The following GSTCD variants were observed in gnomAD, a reference collection of about 807,000 sequenced individuals.
GSTCD encodes the protein glutathione S-transferase C-terminal domain containing, also known as glutathione S-transferase C-terminal domain-containing protein.
In GSTCD, 44 loss-of-function variants were observed where a neutral mutation model predicts 68.3. That is an observed-to-expected ratio of 0.64 (90% CI 0.51 to 0.83). The LOEUF (loss-of-function observed/expected upper bound fraction) is 0.83. GSTCD is among the 40% of genes least tolerant of loss of function. GSTCD has a pLI of 0.00. For synonymous variants in GSTCD, 273 were observed against 255.2 expected, an observed-to-expected ratio of 1.07 and a Z score of -0.67; for missense variants, 739 against 735.9, an observed-to-expected ratio of 1.00 and a Z score of -0.05.
chr4:105,795,315 A>T (rs1435257635), intron 5 of GSTCD, among the ~76,000 whole-genome samples: 1 of 148,734 alleles, frequency 6.7e-6, no homozygotes. Context: ...ATAAGTATTG[A>T]TATATCATGT....
At position 105,726,839 on chromosome 4, in the gene GSTCD, T is replaced by C. The variant is rs764859042; in HGVS notation, c.1146+9T>C. The C allele has an allele frequency of 3.8e-6, 6 of 1,575,824 alleles. No homozygotes were observed. Among genetic ancestry groups the C allele is most frequent in the Non-Finnish European group, 5.2e-6 (6 of 1,161,998 alleles). ...CCATGGCCAAGTTAATGGTACTTAATTATTAACATTTTCTTTGAAAAATTC... is the reference window on the plus strand; with the variant it reads ...CCATGGCCAAGTTAATGGTACTTAACTATTAACATTTTCTTTGAAAAATTC... On this transcript the variant is annotated intron_variant, in intron 4 of 11. Transcript: ENST00000515279.
chr4:105,808,624 T>G (rs1241382209), intron 5 of GSTCD, among the ~76,000 whole-genome samples: 2 of 152,146 alleles, frequency 1.3e-5, no homozygotes, highest in African/African-American at 4.8e-5. Context: ...TTCTTTGATC[T>G]TCTCTTCTGC....
At chr4:105,715,861 C>T (rs1732665885) in intron 1 of GSTCD, among the ~76,000 whole-genome samples, 1 of 151,794 alleles carries the variant, frequency 6.6e-6, no homozygotes, top group East Asian at 1.9e-4. Flanking sequence ...ATGGTGAATA[C>T]TTTTAAAGAG....
intron 5 of GSTCD, chr4:105,761,151 C>G (rs1421553182): frequency 5.5e-6 from 1 of 182,314 alleles, no homozygotes; most frequent in Non-Finnish European, 1.1e-5. Flanking sequence ...TTATAGGAGC[C>G]CGCCACCATA....
At chr4:105,766,616 A>G (rs922070690) in intron 5 of GSTCD, among the ~76,000 whole-genome samples, 1 of 152,116 alleles carries the variant, frequency 6.6e-6, no homozygotes, top group African/African-American at 2.4e-5. Flanking sequence ...ACCCTTGTAA[A>G]TTACACTCAT....
rs544266345 is a variant in GSTCD, at chr4:105,825,949, A to G, written c.1530+149A>G. On this transcript the variant is annotated intron_variant, in intron 8 of 11. Coordinates refer to ENST00000515279, the MANE Select transcript of GSTCD (RefSeq NM_001370181.1). ...TATTATCTATGAAATATAGCATATT[A>G]ATGAATATTATTATATTCATAGCAC... The G allele has an allele frequency of 1.1e-3, 502 of 448,506 alleles. 3 individuals are homozygous for G. Among genetic ancestry groups the G allele is most frequent in the Non-Finnish European group, 1.6e-3 (385 of 245,454 alleles). 27.8% of individuals were successfully genotyped at this position (448,506 alleles called of 1,614,324 possible).
chr4:105,768,665 T>C (rs1338688444), intron 5 of GSTCD, among the ~76,000 whole-genome samples: 3 of 152,012 alleles, frequency 2.0e-5, no homozygotes, highest in Non-Finnish European at 2.9e-5. Context: ...TCACAATAAT[T>C]ATTTAATTAG....
At chr4:105,777,401 A>G (rs1735114416) in intron 5 of GSTCD, among the ~76,000 whole-genome samples, 1 of 152,174 alleles carries the variant, frequency 6.6e-6, no homozygotes, top group South Asian at 2.1e-4. Context: ...AGAATTCCCG[A>G]AACCTCTTTG....
intron 5 of GSTCD, among the ~76,000 whole-genome samples, chr4:105,789,581 G>A (rs1425062158): frequency 1.3e-5 from 2 of 152,142 alleles, no homozygotes; most frequent in Non-Finnish European, 2.9e-5. Flanking sequence ...TGAGAGCATC[G>A]CAGTTGGCTT....
intron 11 of GSTCD, among the ~76,000 whole-genome samples, chr4:105,842,859 C>G (rs976916819): frequency 1.3e-5 from 2 of 152,106 alleles, no homozygotes; most frequent in African/African-American, 4.8e-5. Flanking sequence ...GATGATGGAG[C>G]TATACTATGA....
At chr4:105,726,473 A>G in intron 3 of GSTCD, 106 bp from the exon 4 acceptor site, 1 of 703,064 alleles carries the variant, frequency 1.4e-6, no homozygotes, top group Non-Finnish European at 2.3e-6. Context: ...TCATTGTTTG[A>G]ACTATACACT....
intron 8 of GSTCD, among the ~76,000 whole-genome samples, chr4:105,830,407 A>G (rs1560852087): frequency 6.6e-6 from 1 of 152,216 alleles, no homozygotes; most frequent in Non-Finnish European, 1.5e-5. Flanking sequence ...GTCTAGTAAA[A>G]AAAAGTAAAA....
At chr4:105,743,215 A>G (rs150464530) in intron 5 of GSTCD, among the ~76,000 whole-genome samples, 2,753 of 151,984 alleles carry the variant, frequency 0.018, 31 homozygotes, top group Non-Finnish European at 0.023. Context: ...CTCCCAAAGT[A>G]CTGGGATTAC....
chr4:105,791,906 A>G (rs975848688), intron 5 of GSTCD, among the ~76,000 whole-genome samples: 1 of 152,154 alleles, frequency 6.6e-6, no homozygotes, highest in Non-Finnish European at 1.5e-5. Flanking sequence ...TTCATTTATT[A>G]GATAATTATG....
At chr4:105,713,224 G>A (rs939461901) in intron 1 of GSTCD, among the ~76,000 whole-genome samples, 6 of 152,096 alleles carry the variant, frequency 3.9e-5, no homozygotes, top group Admixed American at 2.6e-4. Flanking sequence ...GCCAGTATTC[G>A]AAGGATGGAG....
rs1724188646 is a variant in GSTCD at position 105,837,961 on chromosome 4, T to C, written c.1695+72T>C. The C allele has an allele frequency of 7.0e-6, 4 of 568,532 alleles. No individual in the cohort carries two copies. The South Asian group carries it at 1.1e-4, about 16-fold the overall frequency. The allele number at this position is 568,532 out of a possible 1,614,324, so 35.2% of individuals were successfully genotyped here. A position where few individuals can be genotyped will look rare whatever the true frequency, so the allele number is the denominator to read the frequency against. On this transcript the variant is annotated intron_variant, in intron 10 of 11. Coordinates refer to ENST00000515279, the MANE Select transcript of GSTCD (RefSeq NM_001370181.1). Reference sequence around the variant, plus strand: ...TTTATATTTTTCCCTCTCATATTTCTAGTGGAGTAAATAATCTATAGTTAT... The same window carrying C: ...TTTATATTTTTCCCTCTCATATTTCCAGTGGAGTAAATAATCTATAGTTAT...
intron 5 of GSTCD, among the ~76,000 whole-genome samples, chr4:105,768,360 A>G (rs1734705523): frequency 6.6e-6 from 1 of 152,072 alleles, no homozygotes; most frequent in South Asian, 2.1e-4. Flanking sequence ...ATCTGTGCCT[A>G]TGTGTTTTTA....
intron 5 of GSTCD, chr4:105,761,152 C>G (rs1358122647): frequency 5.6e-6 from 1 of 180,126 alleles, no homozygotes; most frequent in Non-Finnish European, 1.2e-5. Flanking sequence ...TATAGGAGCC[C>G]GCCACCATAT....
At chr4:105,778,812 G>A (rs1578467539) in intron 5 of GSTCD, among the ~76,000 whole-genome samples, 2 of 152,102 alleles carry the variant, frequency 1.3e-5, no homozygotes, top group African/African-American at 4.8e-5. Context: ...AAAGTTACAA[G>A]AATAGTACAA....
Sources: gnomAD v4.1 joint callset for allele counts (sites outside exome capture counted in the v4.1 genomes callset) on GRCh38, gnomAD v4.1.1 for gene constraint, MANE v1.5 for transcripts, NCBI Gene and HGNC (gene_info 2026-07-23, HGNC 2026-07-21) for gene names.